FBXL3: variants seen among roughly 807,000 people sequenced by gnomAD.
The protein encoded by FBXL3 is F-box/LRR-repeat protein 3.
FBXL3 carries 14 observed loss-of-function variants against 37.9 expected under a neutral mutation model. The observed-to-expected ratio is 0.37, with a 90% confidence interval of 0.24 to 0.58. The LOEUF (loss-of-function observed/expected upper bound fraction) is 0.58. Among genes scored for constraint, FBXL3 ranks in the 20% least tolerant of loss-of-function variants. The probability of loss-of-function intolerance (pLI) is 0.74; values close to 1 mark genes in which losing one functional copy is unlikely to be tolerated. For synonymous variants in FBXL3, 194 were observed against 180.1 expected (o/e 1.08, Z -0.62); for missense variants, 327 against 511.1 (o/e 0.64, Z 3.47).
intron 4 of FBXL3, chr13:77,014,114 T>G (rs1215171606): frequency 6.6e-6 from 1 of 152,270 alleles, no homozygotes; most frequent in Non-Finnish European, 1.5e-5. Context: ...AGATCACATC[T>G]GAGCTGAATT....
At chr13:77,026,122 C>T in intron 1 of FBXL3, 2 of 964,644 alleles carry the variant, frequency 2.1e-6, no homozygotes, top group Non-Finnish European at 2.5e-6. Context: ...ATCTGGGTCA[C>T]TCAACTGGAT....
At chr13:77,023,003 G>C (rs74096171) in intron 1 of FBXL3, among the ~76,000 whole-genome samples, 1 of 152,106 alleles carries the variant, frequency 6.6e-6, no homozygotes, top group Admixed American at 6.5e-5. Flanking sequence ...TTTTCAAAGG[G>C]GAGATACGAC....
At chr13:77,019,934 A>T (rs1299842225) in intron 2 of FBXL3, among the ~76,000 whole-genome samples, 1 of 152,094 alleles carries the variant, frequency 6.6e-6, no homozygotes, top group East Asian at 1.9e-4. Context: ...ACAGGGCTAT[A>T]AAAATGACCC....
At chr13:77,016,476 T>C (rs981211078) in intron 3 of FBXL3, 3 of 152,062 alleles carry the variant, frequency 2.0e-5, no homozygotes, top group Non-Finnish European at 4.4e-5. Context: ...GCTTTATAAA[T>C]TCTCTACAGG....
chr13:77,014,508 A>C (rs992888846), intron 4 of FBXL3: 1 of 152,262 alleles, frequency 6.6e-6, no homozygotes, highest in East Asian at 1.9e-4. Context: ...AGCCATTCTC[A>C]TCACCAGGAG....
Position 77,021,869 on chromosome 13 carries a change from G to GA in FBXL3, c.-1-9dup. 2 of 1,570,670 alleles carry GA rather than the reference G, an allele frequency of 1.3e-6. No homozygotes were observed. Among genetic ancestry groups the GA allele is most frequent in the South Asian group, 1.2e-5 (1 of 85,782 alleles). On this transcript the variant is annotated splice_polypyrimidine_tract_variant and intron_variant, in intron 1 of 4. Coordinates refer to ENST00000355619, the MANE Select transcript of FBXL3 (RefSeq NM_012158.4). ...CTTCCTCCTCGTTTCATCCTATTCCGAAAAATGCATCAGTTTTTTTCCTAC... is the reference window on the plus strand; with the variant it reads ...CTTCCTCCTCGTTTCATCCTATTCCGAAAAAATGCATCAGTTTTTTTCCTAC...
chr13:77,005,962 TTAAA>T lies in FBXL3; in HGVS notation c.*1179_*1182del, dbSNP rs2034445533. The T allele has an allele frequency of 6.6e-6, 1 of 152,566 alleles. No individual in the cohort carries two copies. The highest frequency in any genetic ancestry group is 2.4e-5 in the African/African-American group (1 of 41,462). The allele number at this position is 152,566 out of a possible 1,614,324, so 9.5% of individuals were successfully genotyped here. On this transcript the variant is annotated 3_prime_UTR_variant, in exon 5 of 5. Coordinates refer to ENST00000355619, the MANE Select transcript of FBXL3 (RefSeq NM_012158.4). ...AAAGTAATATAAAATGTTACCTAACTTAAATAATATAAAATATCGGTTTAACCAA... is the reference window on the plus strand; with the variant it reads ...AAAGTAATATAAAATGTTACCTAACTTAATATAAAATATCGGTTTAACCAA...
At position 77,007,103 on chromosome 13, in the gene FBXL3, A is replaced by G. The variant is rs200042699; in HGVS notation, c.*42T>C. 43 of 1,533,918 alleles carry G rather than the reference A, an allele frequency of 2.8e-5. No homozygotes were observed. The East Asian group carries it at 9.7e-4, about 35-fold the overall frequency. On this transcript the variant is annotated 3_prime_UTR_variant, in exon 5 of 5. Coordinates refer to ENST00000355619, the MANE Select transcript of FBXL3 (RefSeq NM_012158.4). ...TACAGCAAATAAAACTTTAATTATA[A>G]TACATTTGCTTGAAATTAAGGTGCT...
chr13:77,026,374 T>C (rs1566234389), intron 1 of FBXL3: 3 of 985,202 alleles, frequency 3.0e-6, no homozygotes, highest in Admixed American at 1.2e-4. Context: ...ACATTTCTCA[T>C]GCGCCCCACC....
rs1261075858 is a variant in FBXL3 at position 77,006,469 on chromosome 13, C to T, written c.*676G>A. ...TGGTTTAGCAGATTACAGAGCAAAC[C>T]TAAAAGTTTATACAAAGCTAAACAC... On this transcript the variant is annotated 3_prime_UTR_variant, in exon 5 of 5. Transcript: ENST00000355619. The T allele has an allele frequency of 6.6e-6, 1 of 152,118 alleles. No homozygotes were observed. Among genetic ancestry groups the T allele is most frequent in the Non-Finnish European group, 1.5e-5 (1 of 68,022 alleles). 9.4% of individuals were successfully genotyped at this position (152,118 alleles called of 1,614,324 possible). A position where few individuals can be genotyped will look rare whatever the true frequency, so the allele number is the denominator to read the frequency against.
At chr13:77,016,533 A>T (rs2034645557) in intron 3 of FBXL3, 2 of 151,738 alleles carry the variant, frequency 1.3e-5, no homozygotes, top group African/African-American at 4.8e-5. Context: ...AGTATAATGA[A>T]ACATTACTTT....
chr13:77,009,015 G>A (rs1379105644), intron 4 of FBXL3: 2 of 152,190 alleles, frequency 1.3e-5, no homozygotes, highest in African/African-American at 4.8e-5. Context: ...GGTACTAGAT[G>A]TTATCCCACA....
chr13:77,020,886 C>T (rs978732931), intron 2 of FBXL3, among the ~76,000 whole-genome samples: 3 of 152,142 alleles, frequency 2.0e-5, no homozygotes, highest in Admixed American at 6.5e-5. Flanking sequence ...ACTACAGGTA[C>T]CCACATCCAG....
chr13:77,018,872 CATT>C, intron 2 of FBXL3, 150 bp from the exon 3 acceptor site: 1 of 602,264 alleles, frequency 1.7e-6, no homozygotes, highest in East Asian at 3.5e-5. Flanking sequence ...TAGTTTATTG[CATT>C]ATAACTTAAA....
intron 1 of FBXL3, among the ~76,000 whole-genome samples, chr13:77,022,535 G>T (rs566776784): frequency 1.9e-4 from 29 of 152,130 alleles, no homozygotes; most frequent in Non-Finnish European, 3.2e-4. Context: ...GATGATCTGA[G>T]GTGGAACAGT....
At position 77,021,566 on chromosome 13, in the gene FBXL3, T is replaced by A; in HGVS notation, c.295A>T (p.Ile99Phe). ...SYLKATHPEL[I>F]KQIIKRHSNH... Reference sequence around the variant, plus strand: ...GAATGTCTTTTAATAATCTGTTTGATCAGCTCTGGATGGGTAGCTTTCAAA... The same window carrying A: ...GAATGTCTTTTAATAATCTGTTTGAACAGCTCTGGATGGGTAGCTTTCAAA... The change falls in exon 2 of 5, where the codon ATC becomes TTC. Residue 99 changes from isoleucine (I) to phenylalanine (F), a missense_variant. Transcript: ENST00000355619. The A allele has an allele frequency of 6.2e-7, 1 of 1,614,120 alleles. No homozygotes were observed. Among genetic ancestry groups the A allele is most frequent in the Non-Finnish European group, 8.5e-7 (1 of 1,179,994 alleles).
chr13:77,022,332 C>G (rs1045665771), intron 1 of FBXL3, among the ~76,000 whole-genome samples: 1 of 152,200 alleles, frequency 6.6e-6, no homozygotes, highest in Non-Finnish European at 1.5e-5. Flanking sequence ...ATAGTCTATA[C>G]AGGGGTCCTG....
chr13:77,009,418 C>G (rs1566226944), intron 4 of FBXL3: 1 of 152,282 alleles, frequency 6.6e-6, no homozygotes, highest in African/African-American at 2.4e-5. Context: ...ACCTCCGCCT[C>G]CCTGGTTTAA....
At chr13:77,021,441 A>C in intron 2 of FBXL3, 72 bp downstream of exon 2, 1 of 1,146,074 alleles carries the variant, frequency 8.7e-7, no homozygotes, top group Non-Finnish European at 1.2e-6. Flanking sequence ...AAGGCATGAG[A>C]AGATGTACTG....
Sources: gnomAD v4.1 joint callset for allele counts (sites outside exome capture counted in the v4.1 genomes callset) on GRCh38, gnomAD v4.1.1 for gene constraint, MANE v1.5 for transcripts, NCBI Gene and HGNC (gene_info 2026-07-23, HGNC 2026-07-21) for gene names.